The following STS variants were observed in gnomAD, a reference collection of about 807,000 sequenced individuals.
STS encodes steryl-sulfatase.
In STS, 7 loss-of-function variants were observed where a neutral mutation model predicts 26.8. That is an observed-to-expected ratio of 0.26 (90% CI 0.15 to 0.49). The LOEUF is 0.49. Among genes scored for constraint, STS ranks in the 20% least tolerant of loss-of-function variants. STS has a pLI of 0.98. For missense variants in STS, 434 were observed against 465.6 expected, an observed-to-expected ratio of 0.93 and a Z score of 0.63; for synonymous variants, 199 against 189.4, an observed-to-expected ratio of 1.05 and a Z score of -0.42.
intron 7 of STS, among the ~76,000 whole-genome samples, chrX:7,292,774 A>G (rs1925481131): frequency 9.0e-6 from 1 of 111,214 alleles, no homozygotes; most frequent in Non-Finnish European, 1.9e-5. Context: ...TCTGCTTGCA[A>G]TTGCATCAGA....
chrX:7,221,035 A>C (rs1921541743), intron 2 of STS, among the ~76,000 whole-genome samples: 1 of 111,770 alleles, frequency 8.9e-6, no homozygotes, highest in Admixed American at 9.5e-5. Flanking sequence ...ACGTACACCA[A>C]ACTAGTATTA....
intron 2 of STS, among the ~76,000 whole-genome samples, chrX:7,194,910 G>A (rs1000452788): frequency 6.3e-5 from 7 of 111,346 alleles, no homozygotes; most frequent in Admixed American, 1.9e-4. Flanking sequence ...GTATGGTATG[G>A]CCTATTGCTC....
Position 7,291,126 on chromosome X carries a change from A to G in STS, c.944-13920A>G, listed in dbSNP as rs778478986. On this transcript the variant is annotated intron_variant, in intron 7 of 10. Coordinates refer to ENST00000674429, the MANE Select transcript of STS (RefSeq NM_001320752.2). Reference sequence around the variant, plus strand: ...AATGAAATATTTCCATAACTTTGTCATCTGAGATCATGTGAGCACGCCTCT... The same window carrying G: ...AATGAAATATTTCCATAACTTTGTCGTCTGAGATCATGTGAGCACGCCTCT... 7.9e-4 allele frequency among the ~76,000 whole-genome samples: 88 copies of G among 111,560 alleles called. 1 individual carries two copies. The highest frequency in any genetic ancestry group is 2.8e-3 in the African/African-American group (85 of 30,652).
intron 2 of STS, among the ~76,000 whole-genome samples, chrX:7,217,090 T>TA (rs1162340176): frequency 9.0e-6 from 1 of 110,603 alleles, no homozygotes; most frequent in Non-Finnish European, 1.9e-5. Context: ...GGAAAACTAC[T>TA]AAGAGGAAAC....
intron 7 of STS, among the ~76,000 whole-genome samples, chrX:7,294,382 C>T (rs189954525): frequency 1.8e-4 from 20 of 110,669 alleles, no homozygotes; most frequent in East Asian, 8.6e-4. Context: ...ATCATGACCA[C>T]GCTAAAATGG....
chrX:7,171,315 G>A (rs1474775416), intron 1 of STS, among the ~76,000 whole-genome samples: 1 of 111,010 alleles, frequency 9.0e-6, no homozygotes, highest in African/African-American at 3.3e-5. Context: ...AGGACTCAGC[G>A]TTTTCCAGGA....
chrX:7,323,096 C>T (rs142952369), intron 8 of STS, among the ~76,000 whole-genome samples: 3,744 of 111,537 alleles, frequency 0.034, 103 homozygotes, highest in African/African-American at 0.086. Context: ...GTAATAATCA[C>T]GTGGAAACAT....
At chrX:7,343,197 T>C (rs1266078126) in intron 10 of STS, among the ~76,000 whole-genome samples, 2 of 111,724 alleles carry the variant, frequency 1.8e-5, no homozygotes, top group African/African-American at 6.5e-5. Context: ...AAAATAAATC[T>C]CGCCAAAACT....
chrX:7,328,812 CA>C (rs1383259992), intron 9 of STS, among the ~76,000 whole-genome samples: 13 of 111,191 alleles, frequency 1.2e-4, no homozygotes, highest in African/African-American at 3.3e-4. Context: ...CCGCCTGCCT[CA>C]GCCTCTCAAA....
chrX:7,319,055 G>C (rs2147154257), intron 8 of STS, among the ~76,000 whole-genome samples: 1 of 111,793 alleles, frequency 8.9e-6, no homozygotes, highest in East Asian at 2.8e-4. Context: ...TGGAGTTCTG[G>C]GATATTAGCA....
chrX:7,343,686 G>A (rs1358809074), intron 10 of STS, among the ~76,000 whole-genome samples: 1 of 111,499 alleles, frequency 9.0e-6, no homozygotes, highest in Non-Finnish European at 1.9e-5. Context: ...TCAGTGGCAG[G>A]AAAAACCTTG....
At chrX:7,260,352 G>A (rs149203871) in intron 6 of STS, among the ~76,000 whole-genome samples, 3,267 of 112,147 alleles carry the variant, frequency 0.029, 55 homozygotes, top group Non-Finnish European at 0.048. Flanking sequence ...AAGGCCCATG[G>A]CAAATTAATG....
chrX:7,165,851 G>A (rs1933337922), intron 1 of STS, among the ~76,000 whole-genome samples: 1 of 110,788 alleles, frequency 9.0e-6, no homozygotes, highest in South Asian at 3.9e-4. Context: ...AATATCTTCA[G>A]ACATTGCCAA....
intron 6 of STS, among the ~76,000 whole-genome samples, chrX:7,260,842 A>G (rs1406921480): frequency 2.7e-5 from 3 of 111,885 alleles, no homozygotes; most frequent in Admixed American, 1.9e-4. Flanking sequence ...CTCTGAGCAA[A>G]CAAAACAAAA....
chrX:7,204,948 C>G (rs1175526955), intron 2 of STS, among the ~76,000 whole-genome samples: 1 of 110,007 alleles, frequency 9.1e-6, no homozygotes, highest in Admixed American at 9.8e-5. Context: ...ATATCCTTCT[C>G]CACTCTGAGA....
At position 7,349,146 on chromosome X, in the gene STS, T is replaced by A. The variant is rs914809667; in HGVS notation, c.1364-742T>A. Among the ~76,000 whole-genome samples the A allele has an allele frequency of 5.5e-3, 456 of 82,430 alleles. 2 individuals are homozygous for A. Among genetic ancestry groups the A allele is most frequent in the Non-Finnish European group, 7.7e-3 (329 of 42,587 alleles). 71.6% of individuals were successfully genotyped at this position (82,430 alleles called of 115,157 possible). ...ACAGACACGTGCCACCACACCCAGC[T>A]TTTTTTTTTTTTTTTTTTTAATTTC... On this transcript the variant is annotated intron_variant, in intron 10 of 10. Coordinates refer to ENST00000674429, the MANE Select transcript of STS (RefSeq NM_001320752.2).
chrX:7,349,998 C>A lies in STS; in HGVS notation c.1474C>A (p.His492Asn). Residue 492 changes from histidine (H) to asparagine (N), a missense_variant, in exon 11 of 11, where the codon CAC becomes AAC. His to Asn is a moderately conservative substitution (Grantham distance 68, BLOSUM62 1). Transcript: ENST00000674429. Reference protein sequence around the residue: ...CFCFGSYVTHHDPPLLFDISK... With the variant: ...CFCFGSYVTHNDPPLLFDISK... The stretch of plus-strand genomic sequence containing the variant: ...CTGTTTCGGGAGTTATGTCACCCAT[C>A]ACGACCCACCTTTACTCTTTGATAT... The A allele has an allele frequency of 8.3e-7, 1 of 1,211,782 alleles. No homozygotes were observed.
At chrX:7,317,037 GC>G (rs748288521) in intron 8 of STS, among the ~76,000 whole-genome samples, 2 of 112,144 alleles carry the variant, frequency 1.8e-5, no homozygotes, top group South Asian at 7.4e-4. Flanking sequence ...AAAAATAGAA[GC>G]CTGGTTTGCA....
rs775006914 is a variant in STS, at chrX:7,253,332, A to G, written c.133A>G (p.Ile45Val). Residue 45 changes from isoleucine to valine, a missense_variant, in exon 3 of 11, where the codon ATC becomes GTC. By Grantham distance (29) the Ile-to-Val change is conservative (BLOSUM62 3). Transcript: ENST00000674429. ...GDPGCYGNKT[I>V]RTPNIDRLAS... ...TCCTGGGTGCTATGGGAACAAAACT[A>G]TCAGGTTGGTAATGCAGCTCCTCAG... The G allele has an allele frequency of 7.4e-6, 9 of 1,211,372 alleles. No individual in the cohort carries two copies. In the Admixed American group the frequency reaches 2.0e-4, roughly 26 times the overall value.
Sources: allele counts gnomAD v4.1 joint callset (sites outside exome capture counted in the v4.1 genomes callset), GRCh38; gene constraint gnomAD v4.1.1; transcripts MANE v1.5; gene names NCBI Gene and HGNC (gene_info 2026-07-23, HGNC 2026-07-21).